The following PPP1R26 variants were observed in gnomAD, a reference collection of about 807,000 sequenced individuals.
The protein encoded by PPP1R26 is 1A6/DRIM (down-regulated in metastasis) interacting protein.
Under a neutral mutation model 67.6 loss-of-function variants are expected in PPP1R26, and 22 were observed. The ratio of observed to expected loss-of-function variants is 0.33; its 90% CI spans 0.23 to 0.46. The LOEUF (loss-of-function observed/expected upper bound fraction) is 0.46. PPP1R26 is among the 20% of genes least tolerant of loss of function. PPP1R26 has a pLI of 1.00. For missense variants in PPP1R26, 1,602 were observed against 1,651.4 expected (o/e 0.97, Z 0.52); for synonymous variants, 729 against 717.2 (o/e 1.02, Z -0.26).
intron 2 of PPP1R26, chr9:135,483,489 G>C (rs1260195071): frequency 6.5e-6 from 1 of 152,804 alleles, no homozygotes; most frequent in African/African-American, 2.4e-5. Context: ...GGAGTTCAGT[G>C]TCCATAAGCC....
rs754898129 is a variant in PPP1R26 at position 135,485,225 on chromosome 9, C to G, written c.715C>G (p.Gln239Glu). The change falls in exon 4 of 4, where the codon CAG (glutamine) becomes GAG (glutamate). Residue 239 changes from glutamine to glutamate, a missense_variant. Physicochemically the swap from Gln to Glu is conservative, Grantham distance 29. This residue lies in a region of PPP1R26 where 680 missense variants were observed against 726.1 expected (regional missense o/e 0.94). Coordinates refer to ENST00000356818, the MANE Select transcript of PPP1R26 (RefSeq NM_014811.5). This position sits in a 1 kb window ranked among gnomAD's most constrained non-coding sequence, Gnocchi z 7.2. Reference sequence around the variant, plus strand: ...AGAACAGTTTCTGAATGAGAAGAGACAGCATGAGACCCAAAAATGTGATGG... The same window carrying G: ...AGAACAGTTTCTGAATGAGAAGAGAGAGCATGAGACCCAAAAATGTGATGG... ...EIEQFLNEKR[Q>E]HETQKCDGSV... 1.9e-6 allele frequency: 3 copies of G among 1,612,866 alleles called. No homozygotes were observed. The highest frequency in any genetic ancestry group is 4.5e-5 in the East Asian group (2 of 44,878).
rs1457593533 is a variant in PPP1R26, at chr9:135,484,391, G to T, written c.-62-58G>T. The T allele has an allele frequency of 1.0e-5, 10 of 975,540 alleles. No homozygotes were observed. In the East Asian group the frequency reaches 2.6e-4, roughly 25 times the overall value. The allele number at this position is 975,540 out of a possible 1,614,324, so 60.4% of individuals were successfully genotyped here. A position where few individuals can be genotyped will look rare whatever the true frequency, so the allele number is the denominator to read the frequency against. On this transcript the variant is annotated intron_variant, in intron 3 of 3. Coordinates refer to ENST00000356818, the MANE Select transcript of PPP1R26 (RefSeq NM_014811.5). ...CTGTTCCTCTGGGGCCTCGCTTGGT[G>T]TTGGCAGCTATCGCTGTTTGTAGCT...
chr9:135,484,491 G>T lies in PPP1R26; in HGVS notation c.-20G>T. ...GAAATAAAGCATCGCCCCTCTGCGC[G>T]CCCCTCCCCGTCTGCTAGAATGTTT... On this transcript the variant is annotated 5_prime_UTR_variant, in exon 4 of 4. Transcript: ENST00000356818. The T allele has an allele frequency of 6.5e-7, 1 of 1,540,466 alleles. No individual in the cohort carries two copies. Among genetic ancestry groups the T allele is most frequent in the Non-Finnish European group, 8.8e-7 (1 of 1,139,272 alleles).
Position 135,487,358 on chromosome 9 carries a change from G to C in PPP1R26, c.2848G>C (p.Gly950Arg). The C allele has an allele frequency of 6.4e-7, 1 of 1,556,646 alleles. No individual in the cohort carries two copies. Among genetic ancestry groups the C allele is most frequent in the Non-Finnish European group, 8.7e-7 (1 of 1,152,574 alleles). The stretch of plus-strand genomic sequence containing the variant: ...CACCAGCGGCGGTGTCTCCGCCAAG[G>C]GGCTCTCAGTGAGCAGGAGAAATGT... Reference protein sequence around the residue: ...RSTSGGVSAKGLSVSRRNVYV... With the variant: ...RSTSGGVSAKRLSVSRRNVYV... The change falls in exon 4 of 4, where the codon GGG (glycine) becomes CGG (arginine). Residue 950 changes from glycine (G) to arginine (R), a missense_variant. Around this residue, in one of 5 missense-constraint regions of PPP1R26, gnomAD observed 740 missense variants for 696.3 expected, o/e 1.06. Coordinates refer to ENST00000356818, the MANE Select transcript of PPP1R26 (RefSeq NM_014811.5).
At chr9:135,479,533 G>A (rs1490236989), upstream of PPP1R26, 1 of 147,194 alleles carries the variant, frequency 6.8e-6, no homozygotes, top group Non-Finnish European at 1.5e-5. This position sits in a 1 kb window ranked among gnomAD's most constrained non-coding sequence, Gnocchi z 5.9. Context: ...CCCCGCGGAG[G>A]GGGCCGCGTC....
At chr9:135,479,270 A>G (rs1474240314), upstream of PPP1R26, among the ~76,000 whole-genome samples, 1 of 151,750 alleles carries the variant, frequency 6.6e-6, no homozygotes, top group Non-Finnish European at 1.5e-5. The surrounding 1 kb of genome is among the most constrained non-coding windows in gnomAD (Gnocchi z 5.9). Flanking sequence ...CCCCGGCCCA[A>G]GGCTGTGGGG....
In PPP1R26 at chr9:135,486,219, G is replaced by A; in HGVS notation, c.1709G>A (p.Gly570Asp). The change falls in exon 4 of 4, where the codon GGC becomes GAC. Residue 570 changes from glycine to aspartate, a missense_variant. This residue lies in a region of PPP1R26 where 680 missense variants were observed against 726.1 expected (regional missense o/e 0.94). Coordinates refer to ENST00000356818, the MANE Select transcript of PPP1R26 (RefSeq NM_014811.5). The surrounding 1 kb of genome is among the most constrained non-coding windows in gnomAD (Gnocchi z 6.2). ...GCCCAGGGTCCACTTTTGCCGCCTG[G>A]CCTCAACAGCCAGACCGGCGGCCAC... is the stretch of plus-strand genomic sequence containing the variant. ...QAAQGPLLPP[G>D]LNSQTGGHKT... is the part of the protein sequence containing the mutation. The A allele has an allele frequency of 6.2e-7, 1 of 1,612,958 alleles. No homozygotes were observed. The highest frequency in any genetic ancestry group is 1.3e-5 in the African/African-American group (1 of 75,066).
At chr9:135,481,955 A>G (rs1287690415) in intron 1 of PPP1R26, among the ~76,000 whole-genome samples, 4 of 152,174 alleles carry the variant, frequency 2.6e-5, no homozygotes, top group Non-Finnish European at 5.9e-5. Flanking sequence ...AGGTGATTTG[A>G]CAACTTAGAA....
rs3748195 is a variant in PPP1R26 at position 135,486,069 on chromosome 9, G to A, written c.1559G>A (p.Arg520His). ...PLFYSPNVPSRSDGDSSSVDS... is the reference protein window; with the variant it reads ...PLFYSPNVPSHSDGDSSSVDS... ...TTCTACTCCCCGAACGTGCCTTCCC[G>A]CTCTGACGGCGACAGTAGCTCCGTG... is the stretch of plus-strand genomic sequence containing the variant. Residue 520 changes from arginine (R) to histidine (H), a missense_variant, in exon 4 of 4, where the codon CGC becomes CAC. Transcript: ENST00000356818. The surrounding 1 kb of genome is among the most constrained non-coding windows in gnomAD (Gnocchi z 6.2). The A allele has an allele frequency of 0.041, 66,653 of 1,613,022 alleles. 7,986 individuals carry two copies. The East Asian group carries it at 0.47, about 11-fold the overall frequency.
At position 135,486,962 on chromosome 9, in the gene PPP1R26, G is replaced by C. The variant is rs1371631802; in HGVS notation, c.2452G>C (p.Ala818Pro). ...NPFPRESQGP[A>P]PSPGSLSDDS... is the part of the protein sequence containing the mutation. ...ATTCCCCAGGGAGTCCCAGGGCCCA[G>C]CTCCCAGCCCCGGCTCCCTGTCTGA... Residue 818 changes from alanine (A) to proline (P), a missense_variant, in exon 4 of 4, where the codon GCT becomes CCT. Physicochemically the swap from Ala to Pro is conservative, Grantham distance 27. Around this residue, in one of 5 missense-constraint regions of PPP1R26, gnomAD observed 740 missense variants for 696.3 expected, o/e 1.06. Transcript: ENST00000356818. The surrounding 1 kb of genome is among the most constrained non-coding windows in gnomAD (Gnocchi z 6.2). 4 of 1,612,856 alleles carry C rather than the reference G, an allele frequency of 2.5e-6. No homozygotes were observed. The African/African-American group carries it at 5.3e-5, about 22-fold the overall frequency.
At position 135,482,703 on chromosome 9, in the gene PPP1R26, C is replaced by T; in HGVS notation, c.-308C>T. ...GGTAGTCAAAAGTCTATTGAAAAAG[C>T]AGAGAGAGAATGCCTCGGTGTGTAA... On this transcript the variant is annotated 5_prime_UTR_variant, in exon 2 of 4. Coordinates refer to ENST00000356818, the MANE Select transcript of PPP1R26 (RefSeq NM_014811.5). The T allele has an allele frequency of 2.5e-6, 1 of 398,472 alleles. No homozygotes were observed. The highest frequency in any genetic ancestry group is 3.6e-5 in the East Asian group (1 of 28,078). 24.7% of individuals were successfully genotyped at this position (398,472 alleles called of 1,614,324 possible).
chr9:135,481,236 G>GTTTTTTTTTTT (rs35101439), intron 1 of PPP1R26, among the ~76,000 whole-genome samples: 2 of 121,770 alleles, frequency 1.6e-5, no homozygotes, highest in Non-Finnish European at 3.3e-5. Context: ...GGCTTTTCTT[G>GTTTTTTTTTTT]TTTTTTTTTT....
chr9:135,486,368 G>A lies in PPP1R26; in HGVS notation c.1858G>A (p.Asp620Asn). 6.2e-7 allele frequency: 1 copy of A among 1,613,232 alleles called. No homozygotes were observed. Among genetic ancestry groups the A allele is most frequent in the East Asian group, 2.2e-5 (1 of 44,862 alleles). The change falls in exon 4 of 4, where the codon GAT becomes AAT. Residue 620 changes from aspartate (D) to asparagine (N), a missense_variant. Physicochemically the swap from Asp to Asn is conservative, Grantham distance 23. Transcript: ENST00000356818. This position sits in a 1 kb window ranked among gnomAD's most constrained non-coding sequence, Gnocchi z 6.2. ...GGAGGTGGTGAAAGACGGTAGCCAGGATGCCGACCACAGCCAGGGGAGAGC... is the reference window on the plus strand; with the variant it reads ...GGAGGTGGTGAAAGACGGTAGCCAGAATGCCGACCACAGCCAGGGGAGAGC... Reference protein sequence around the residue: ...MQEVVKDGSQDADHSQGRAEP... With the variant: ...MQEVVKDGSQNADHSQGRAEP...
chr9:135,487,559 G>T lies in PPP1R26; in HGVS notation c.3049G>T (p.Ala1017Ser). 6.4e-7 allele frequency: 1 copy of T among 1,561,718 alleles called. No homozygotes were observed. The highest frequency in any genetic ancestry group is 8.7e-7 in the Non-Finnish European group (1 of 1,155,508). ...LTPSPGAERD[A>S]GAQADRTPPW... Reference sequence around the variant, plus strand: ...CCCCAGCCCGGGAGCGGAGAGGGACGCTGGAGCCCAGGCCGACCGCACACC... The same window carrying T: ...CCCCAGCCCGGGAGCGGAGAGGGACTCTGGAGCCCAGGCCGACCGCACACC... The change falls in exon 4 of 4, where the codon GCT becomes TCT. Residue 1017 changes from alanine to serine, a missense_variant. By Grantham distance (99) the Ala-to-Ser change is moderately conservative. Coordinates refer to ENST00000356818, the MANE Select transcript of PPP1R26 (RefSeq NM_014811.5).
chr9:135,487,560 C>T lies in PPP1R26; in HGVS notation c.3050C>T (p.Ala1017Val), dbSNP rs781725444. ...CCCAGCCCGGGAGCGGAGAGGGACG[C>T]TGGAGCCCAGGCCGACCGCACACCG... ...LTPSPGAERD[A>V]GAQADRTPPW... is the part of the protein sequence containing the mutation. The change falls in exon 4 of 4, where the codon GCT (alanine) becomes GTT (valine). Residue 1017 changes from alanine (A) to valine (V), a missense_variant. Coordinates refer to ENST00000356818, the MANE Select transcript of PPP1R26 (RefSeq NM_014811.5). 12 of 1,560,944 alleles carry T rather than the reference C, an allele frequency of 7.7e-6. No homozygotes were observed. The highest frequency in any genetic ancestry group is 8.7e-6 in the Non-Finnish European group (10 of 1,155,016).
Position 135,485,539 on chromosome 9 carries a change from T to C in PPP1R26, c.1029T>C (p.Ala343=). 8 of 1,613,200 alleles carry C rather than the reference T, an allele frequency of 5.0e-6. No individual in the cohort carries two copies. Among genetic ancestry groups the C allele is most frequent in the Non-Finnish European group, 5.9e-6 (7 of 1,180,006 alleles). ...NKGGIKRSAS[A]ARRGKRVMSA... The stretch of plus-strand genomic sequence containing the variant: ...GTGGGATCAAAAGGAGCGCCAGCGC[T>C]GCAAGGAGGGGAAAGCGAGTCATGA... The change falls in exon 4 of 4, where the codon GCT becomes GCC. Residue 343 remains alanine (A), a synonymous_variant. Coordinates refer to ENST00000356818, the MANE Select transcript of PPP1R26 (RefSeq NM_014811.5). The surrounding 1 kb of genome is among the most constrained non-coding windows in gnomAD (Gnocchi z 7.2).
In PPP1R26 at chr9:135,487,549, G is replaced by A. The variant is rs757861174; in HGVS notation, c.3039G>A (p.Ala1013=). Residue 1013 remains alanine, a synonymous_variant, in exon 4 of 4, where the codon GCG becomes GCA. Transcript: ENST00000356818. ...GCTTCCTGACCCCCAGCCCGGGAGC[G>A]GAGAGGGACGCTGGAGCCCAGGCCG... ...SPSFLTPSPG[A]ERDAGAQADR... is the part of the protein sequence containing the mutation. 1.7e-5 allele frequency: 27 copies of A among 1,572,750 alleles called. No individual in the cohort carries two copies. The highest frequency in any genetic ancestry group is 3.8e-5 in the Admixed American group (2 of 52,956).
In PPP1R26 at chr9:135,485,931, G is replaced by A. The variant is rs765445905; in HGVS notation, c.1421G>A (p.Arg474Gln). 1.9e-5 allele frequency: 30 copies of A among 1,613,346 alleles called. 1 individual carries two copies. The highest frequency in any genetic ancestry group is 1.5e-4 in the African/African-American group (11 of 74,902). The change falls in exon 4 of 4, where the codon CGG (arginine) becomes CAG (glutamine). Residue 474 changes from arginine (R) to glutamine (Q), a missense_variant. Physicochemically the swap from Arg to Gln is conservative, Grantham distance 43 (BLOSUM62 1). Around this residue, in one of 5 missense-constraint regions of PPP1R26, gnomAD observed 680 missense variants for 726.1 expected, o/e 0.94. Transcript: ENST00000356818. The surrounding 1 kb of genome is among the most constrained non-coding windows in gnomAD (Gnocchi z 7.2). ...GAGTTTGTGGAACGGTCCTCGTGCC[G>A]GGCGGACACATCTGCTGAGCTGATG... is the stretch of plus-strand genomic sequence containing the variant. ...RSEFVERSSC[R>Q]ADTSAELMCA...
chr9:135,480,339 C>G (rs1357391322), intron 1 of PPP1R26: 2 of 152,100 alleles, frequency 1.3e-5, no homozygotes, highest in Non-Finnish European at 2.9e-5. Flanking sequence ...CCGAGAATGG[C>G]CGCGGCCCGG....
Sources: allele counts gnomAD v4.1 joint callset (sites outside exome capture counted in the v4.1 genomes callset), GRCh38; gene constraint gnomAD v4.1.1; regional missense constraint gnomAD v4.1.1; non-coding constraint Gnocchi (gnomAD v3.1); transcripts MANE v1.5; gene names NCBI Gene and HGNC (gene_info 2026-07-23, HGNC 2026-07-21).